Variants in AIMP2 observed in about 807,000 individuals in gnomAD.
AIMP2 encodes the protein aminoacyl tRNA synthase complex-interacting multifunctional protein 2.
AIMP2 carries 20 observed loss-of-function variants against 23.4 expected under a neutral mutation model. The ratio of observed to expected loss-of-function variants is 0.85; its 90% confidence interval spans 0.60 to 1.24. The LOEUF is 1.24. Among genes scored for constraint, AIMP2 ranks in the 50% most tolerant of loss-of-function variants. The pLI, the probability that AIMP2 is intolerant of heterozygous loss-of-function variation, is 0.00. For synonymous variants in AIMP2, 210 were observed against 170.4 expected (o/e 1.23, Z -1.81); for missense variants, 515 against 414.5 (o/e 1.24, Z -2.10).
intron 1 of AIMP2, chr7:6,014,831 T>C: frequency 3.3e-6 from 1 of 301,914 alleles, no homozygotes; most frequent in Non-Finnish European, 6.3e-6. Context: ...GTGGTTCTCC[T>C]GCCTCACCCT....
At position 6,009,369 on chromosome 7, in the gene AIMP2, G is replaced by T. The variant is rs1331315695; in HGVS notation, c.6G>T (p.Pro2=). The T allele has an allele frequency of 1.9e-6, 3 of 1,611,724 alleles. No homozygotes were observed. Among genetic ancestry groups the T allele is most frequent in the Non-Finnish European group, 2.5e-6 (3 of 1,180,020 alleles). Residue 2 remains proline, a synonymous_variant, in exon 1 of 4, where the codon CCG becomes CCT. Coordinates refer to ENST00000223029, the MANE Select transcript of AIMP2 (RefSeq NM_006303.4). ...CCTTTTGCTTTGGTTCTGCCATGCC[G>T]ATGTACCAGGTAAAGCCCTATCACG... M[P]MYQVKPYHGG... is the part of the protein sequence containing the mutation.
intron 2 of AIMP2, 64 bp from the exon 3 acceptor site, chr7:6,017,750 C>A: frequency 6.9e-7 from 1 of 1,443,634 alleles, no homozygotes; most frequent in South Asian, 1.3e-5. Context: ...TTCTTAGACT[C>A]GCGCCCGGCA....
At chr7:6,014,041 A>G (rs183101562) in intron 1 of AIMP2, among the ~76,000 whole-genome samples, 1 of 152,136 alleles carries the variant, frequency 6.6e-6, no homozygotes, top group Non-Finnish European at 1.5e-5. Context: ...AAGTGTTTCA[A>G]CCTGTGTTCC....
At chr7:6,012,844 G>A in intron 1 of AIMP2, 1 of 1,005,690 alleles carries the variant, frequency 9.9e-7, no homozygotes, top group Non-Finnish European at 1.2e-6. Context: ...CAGCCACTGT[G>A]CCTAGCCAGC....
intron 1 of AIMP2, among the ~76,000 whole-genome samples, chr7:6,009,847 G>T (rs1206216509): frequency 6.7e-5 from 10 of 148,630 alleles, no homozygotes; most frequent in African/African-American, 2.5e-4. Context: ...TACTCGGGAG[G>T]CTGAGGCAGG....
At chr7:6,018,632 A>C (rs1787182748) in intron 3 of AIMP2, among the ~76,000 whole-genome samples, 1 of 151,670 alleles carries the variant, frequency 6.6e-6, no homozygotes, top group African/African-American at 2.4e-5. Flanking sequence ...TCAGGAGTTC[A>C]AGACCAGCCT....
At chr7:6,012,750 A>G (rs992114390) in intron 1 of AIMP2, 10 of 781,086 alleles carry the variant, frequency 1.3e-5, no homozygotes, top group African/African-American at 1.1e-4. Context: ...GTAGAAATGG[A>G]GTTTCATCAT....
chr7:6,015,040 G>C, intron 1 of AIMP2, 106 bp from the exon 2 acceptor site: 1 of 1,575,736 alleles, frequency 6.3e-7, no homozygotes, highest in Non-Finnish European at 8.6e-7. Context: ...TCTTTTAAAG[G>C]GTGGGAGGTT....
intron 1 of AIMP2, 132 bp from the exon 2 acceptor site, chr7:6,015,014 C>T: frequency 2.0e-6 from 3 of 1,530,438 alleles, no homozygotes; most frequent in Non-Finnish European, 2.6e-6. Context: ...GCCACCACAC[C>T]CAGCCCATAA....
At chr7:6,023,095 T>C (rs1432692077) in intron 3 of AIMP2, 4 of 580,302 alleles carry the variant, frequency 6.9e-6, no homozygotes, top group Non-Finnish European at 1.2e-5. Flanking sequence ...GAATGACTCT[T>C]TGGTTACTTT....
chr7:6,021,966 A>AC (rs1356422088), intron 3 of AIMP2, among the ~76,000 whole-genome samples: 1 of 151,840 alleles, frequency 6.6e-6, no homozygotes, highest in Non-Finnish European at 1.5e-5. Context: ...TACCTCCTCC[A>AC]CCTCTTCCAC....
chr7:6,009,370 ATG>A lies in AIMP2; in HGVS notation c.9_10del (p.Met3IlefsTer46). 2.5e-6 allele frequency: 4 copies of A among 1,611,754 alleles called. No individual in the cohort carries two copies. The highest frequency in any genetic ancestry group is 3.4e-6 in the Non-Finnish European group (4 of 1,180,004). On this transcript the variant is annotated frameshift_variant, in exon 1 of 4. Transcript: ENST00000223029. LOFTEE classifies it high-confidence loss of function. The part of the protein sequence containing the change: MP[M>X]YQVKPYHGGG... ...CTTTTGCTTTGGTTCTGCCATGCCG[ATG>A]TACCAGGTAAAGCCCTATCACGGGG...
intron 3 of AIMP2, among the ~76,000 whole-genome samples, chr7:6,020,683 C>T (rs1167115409): frequency 6.6e-6 from 1 of 152,192 alleles, no homozygotes; most frequent in Non-Finnish European, 1.5e-5. Context: ...GACAAGTTCC[C>T]AGATGCCATA....
intron 1 of AIMP2, among the ~76,000 whole-genome samples, chr7:6,010,125 C>CT (rs1206985933): frequency 2.0e-5 from 3 of 150,644 alleles, no homozygotes; most frequent in African/African-American, 7.3e-5. Context: ...ACCCTTGTCT[C>CT]TATTTTTTAA....
intron 3 of AIMP2, among the ~76,000 whole-genome samples, chr7:6,018,547 A>G (rs1787176735): frequency 1.3e-5 from 2 of 151,824 alleles, no homozygotes; most frequent in African/African-American, 2.4e-5. Context: ...TAGAAATATC[A>G]AAACAAGGCC....
chr7:6,010,184 A>G (rs1412326861), intron 1 of AIMP2, among the ~76,000 whole-genome samples: 1 of 151,472 alleles, frequency 6.6e-6, no homozygotes, highest in East Asian at 1.9e-4. Flanking sequence ...TTTTTTTAAT[A>G]TATGGTTGCT....
In AIMP2 at chr7:6,009,444, C is replaced by G; in HGVS notation, c.81C>G (p.Leu27=). ...RVELPTCMYR[L]PNVHGRSYGP... The stretch of plus-strand genomic sequence containing the variant: ...AGCTTCCCACCTGCATGTACCGGCT[C>G]CCCAACGTGCACGGCAGGAGCTACG... The change falls in exon 1 of 4, where the codon CTC becomes CTG. Residue 27 remains leucine (L), a synonymous_variant. Transcript: ENST00000223029. The G allele has an allele frequency of 2.5e-6, 4 of 1,610,764 alleles. No homozygotes were observed. Among genetic ancestry groups the G allele is most frequent in the Non-Finnish European group, 3.4e-6 (4 of 1,179,724 alleles).
At chr7:6,017,603 G>A (rs986267783) in intron 2 of AIMP2, among the ~76,000 whole-genome samples, 2 of 152,108 alleles carry the variant, frequency 1.3e-5, no homozygotes, top group African/African-American at 4.8e-5. Context: ...GGGGGTAAGG[G>A]GGTGGAGTCC....
At chr7:6,018,968 TACAC>T (rs59354100) in intron 3 of AIMP2, among the ~76,000 whole-genome samples, 35,914 of 150,572 alleles carry the variant, frequency 0.24, 4,578 homozygotes, top group African/African-American at 0.32. Context: ...TATCAAACCT[TACAC>T]ACACACACAC....
Sources: allele counts gnomAD v4.1 joint callset (sites outside exome capture counted in the v4.1 genomes callset), GRCh38; gene constraint gnomAD v4.1.1; transcripts MANE v1.5; gene names NCBI Gene and HGNC (gene_info 2026-07-23, HGNC 2026-07-21).